Variants in CNTNAP2 observed in about 807,000 individuals in gnomAD.
CNTNAP2 encodes contactin associated protein 2, also known as contactin-associated protein-like 2.
In CNTNAP2, 98 loss-of-function variants were observed where a neutral mutation model predicts 155.2. The ratio of observed to expected loss-of-function variants is 0.63; its 90% CI spans 0.54 to 0.75. CNTNAP2 has a LOEUF of 0.75. Among genes scored for constraint, CNTNAP2 ranks in the 30% least tolerant of loss-of-function variants. The pLI, the probability that CNTNAP2 is intolerant of heterozygous loss-of-function variation, is 0.00. For synonymous variants in CNTNAP2, 651 were observed against 631.2 expected, an observed-to-expected ratio of 1.03 and a Z score of -0.47; for missense variants, 1,727 against 1,688.1, an observed-to-expected ratio of 1.02 and a Z score of -0.40.
rs540230604 is a variant in CNTNAP2, at chr7:146,838,032, T to G, written c.209-1679T>G. Among the ~76,000 whole-genome samples, 3 of 152,298 alleles carry G rather than the reference T, an allele frequency of 2.0e-5. No homozygotes were observed. The South Asian group carries it at 6.2e-4, about 32-fold the overall frequency. ...TGCAGAGACACATTCATGACTCCCT[T>G]GTAGATTTCTAAAGCACTTTACACA... is the stretch of plus-strand genomic sequence containing the variant. On this transcript the variant is annotated intron_variant, in intron 2 of 23. Coordinates refer to ENST00000361727, the MANE Select transcript of CNTNAP2 (RefSeq NM_014141.6).
chr7:146,770,535 T>C (rs1563223672), intron 1 of CNTNAP2, among the ~76,000 whole-genome samples: 1 of 152,052 alleles, frequency 6.6e-6, no homozygotes, highest in Non-Finnish European at 1.5e-5. Context: ...TACATTCTGA[T>C]AATAATTTTG....
intron 15 of CNTNAP2, among the ~76,000 whole-genome samples, chr7:148,030,875 A>G (rs1802464797): frequency 6.6e-6 from 1 of 152,160 alleles, no homozygotes; most frequent in African/African-American, 2.4e-5. Flanking sequence ...GTCAGGAGGA[A>G]ATAAGTGGAT....
intron 6 of CNTNAP2, chr7:147,121,733 A>T (rs1406042169): frequency 2.0e-5 from 3 of 152,490 alleles, no homozygotes; most frequent in Non-Finnish European, 4.4e-5. Context: ...ATAATTAGAG[A>T]TTAAAAATAA....
At chr7:146,286,022 G>GTGTC (rs1192103818) in intron 1 of CNTNAP2, among the ~76,000 whole-genome samples, 2 of 99,846 alleles carry the variant, frequency 2.0e-5, no homozygotes, top group African/African-American at 8.6e-5. Context: ...GTGTGTGTGT[G>GTGTC]TCTCTGCCTG....
At chr7:147,294,445 T>C (rs1318764761) in intron 8 of CNTNAP2, among the ~76,000 whole-genome samples, 1 of 152,176 alleles carries the variant, frequency 6.6e-6, no homozygotes, top group Non-Finnish European at 1.5e-5. Context: ...CTTAGTTGTT[T>C]AAGATATAGG....
chr7:146,190,209 TG>T (rs1191500134), intron 1 of CNTNAP2, among the ~76,000 whole-genome samples: 2 of 152,212 alleles, frequency 1.3e-5, no homozygotes, highest in African/African-American at 2.4e-5. Context: ...GCCTTTTATA[TG>T]TGCAGGAAGG....
intron 1 of CNTNAP2, among the ~76,000 whole-genome samples, chr7:146,440,023 C>T (rs1391398365): frequency 6.6e-6 from 1 of 151,418 alleles, no homozygotes; most frequent in Admixed American, 6.6e-5. Context: ...ACTCTGGAAG[C>T]TGTGGCAGGA....
At chr7:147,442,935 G>T (rs1215669230) in intron 10 of CNTNAP2, among the ~76,000 whole-genome samples, 1 of 151,980 alleles carries the variant, frequency 6.6e-6, no homozygotes, top group African/African-American at 2.4e-5. Flanking sequence ...AGAGAAAAGG[G>T]GTCTCTTTTG....
At chr7:147,102,272 T>C (rs958953298) in intron 4 of CNTNAP2, among the ~76,000 whole-genome samples, 2 of 46,162 alleles carry the variant, frequency 4.3e-5, no homozygotes, top group Admixed American at 3.7e-4. Context: ...TAAATGTAGG[T>C]AGGCAAAAAG....
chr7:146,926,489 G>A (rs921342855), intron 3 of CNTNAP2, among the ~76,000 whole-genome samples: 2 of 152,010 alleles, frequency 1.3e-5, no homozygotes, highest in Non-Finnish European at 2.9e-5. Flanking sequence ...AAGCTTTTGA[G>A]CACTTATCGT....
At chr7:146,157,957 C>G (rs372879157) in intron 1 of CNTNAP2, among the ~76,000 whole-genome samples, 1 of 152,152 alleles carries the variant, frequency 6.6e-6, no homozygotes, top group African/African-American at 2.4e-5. Context: ...CTCTGACCCC[C>G]GAGTAGCCTA....
chr7:148,127,161 T>C (rs1431143287), intron 16 of CNTNAP2, among the ~76,000 whole-genome samples: 1 of 152,020 alleles, frequency 6.6e-6, no homozygotes, highest in African/African-American at 2.4e-5. Context: ...AAAAATTAGC[T>C]GGGCGTGGTG....
chr7:146,358,259 C>T, intron 1 of CNTNAP2, among the ~76,000 whole-genome samples: 1 of 152,110 alleles, frequency 6.6e-6, no homozygotes, highest in Non-Finnish European at 1.5e-5. Context: ...TGGTCTCGAT[C>T]TCCTGACCTC....
intron 8 of CNTNAP2, among the ~76,000 whole-genome samples, chr7:147,246,071 T>TATATATATACATATATATGCC (rs1563131995): frequency 2.0e-4 from 30 of 148,612 alleles, no homozygotes; most frequent in African/African-American, 6.9e-4. Context: ...ATATATGGCA[T>TATATATATACATATATATGCC]ATATATATAT....
At chr7:147,851,140 A>T (rs1798931227) in intron 13 of CNTNAP2, among the ~76,000 whole-genome samples, 1 of 152,248 alleles carries the variant, frequency 6.6e-6, no homozygotes, top group African/African-American at 2.4e-5. Flanking sequence ...TCAAAAGAAG[A>T]CATTTATGCA....
In CNTNAP2 at chr7:148,283,239, CAAAA is replaced by C. The variant is rs1199411040; in HGVS notation, c.3475+16129_3475+16132del. Among the ~76,000 whole-genome samples, 31 of 27,962 alleles carry C rather than the reference CAAAA, an allele frequency of 1.1e-3. No homozygotes were observed. In the East Asian group the frequency reaches 0.027, roughly 24 times the overall value. The allele number at this position is 27,962 out of a possible 152,430, so 18.3% of individuals were successfully genotyped here. A position where few individuals can be genotyped will look rare whatever the true frequency, so the allele number is the denominator to read the frequency against. On this transcript the variant is annotated intron_variant, in intron 21 of 23. Coordinates refer to ENST00000361727, the MANE Select transcript of CNTNAP2 (RefSeq NM_014141.6). ...CTGGGCAACAAAAGCAACTCTGTCTCAAAAAAAAAAAAAAAAAAAGAAAGAAAGA... is the reference window on the plus strand; with the variant it reads ...CTGGGCAACAAAAGCAACTCTGTCTCAAAAAAAAAAAAAAAGAAAGAAAGA...
chr7:147,763,930 T>C (rs1260195465), intron 13 of CNTNAP2, among the ~76,000 whole-genome samples: 3 of 152,184 alleles, frequency 2.0e-5, no homozygotes, highest in African/African-American at 7.2e-5. Flanking sequence ...ATAAGGTGCG[T>C]GCCATTCCAG....
At chr7:147,797,816 C>T (rs1243519525) in intron 13 of CNTNAP2, among the ~76,000 whole-genome samples, 1 of 151,922 alleles carries the variant, frequency 6.6e-6, no homozygotes, top group African/African-American at 2.4e-5. Flanking sequence ...TACTTTCATT[C>T]CCAAATAATA....
chr7:147,802,781 G>A (rs1336304978), intron 13 of CNTNAP2, among the ~76,000 whole-genome samples: 1 of 145,954 alleles, frequency 6.9e-6, no homozygotes, highest in Non-Finnish European at 1.5e-5. Flanking sequence ...GGGAGAGGGA[G>A]AGGGAGGGGG....
Sources: gnomAD v4.1 joint callset for allele counts (sites outside exome capture counted in the v4.1 genomes callset) on GRCh38, gnomAD v4.1.1 for gene constraint, MANE v1.5 for transcripts, NCBI Gene and HGNC (gene_info 2026-07-23, HGNC 2026-07-21) for gene names.